Variants in IREB2 observed in about 807,000 individuals in gnomAD.
IREB2 encodes the protein iron-responsive element-binding protein 2.
Under a neutral mutation model 118.8 loss-of-function variants are expected in IREB2, and 39 were observed. The ratio of observed to expected loss-of-function variants is 0.33; its 90% CI spans 0.25 to 0.43. The LOEUF is 0.43. Ranked by LOEUF, IREB2 falls within the 20% of genes least tolerant of loss-of-function variation. IREB2 has a pLI of 1.00. For missense variants in IREB2, 900 were observed against 1,147.3 expected, an observed-to-expected ratio of 0.78 and a Z score of 3.11; for synonymous variants, 372 against 392.2, an observed-to-expected ratio of 0.95 and a Z score of 0.61.
intron 6 of IREB2, 42 bp downstream of exon 6, chr15:78,470,643 A>G (rs750870670): frequency 2.1e-6 from 2 of 954,764 alleles, no homozygotes; most frequent in Admixed American, 4.3e-5. Context: ...TAATATATAA[A>G]CTAATGATAG....
chr15:78,484,555 C>T (rs1403592996), intron 11 of IREB2, among the ~76,000 whole-genome samples: 1 of 152,198 alleles, frequency 6.6e-6, no homozygotes, highest in East Asian at 1.9e-4. Context: ...TGCTTGTGAA[C>T]ATCACCAGAC....
chr15:78,447,160 C>G (rs1020703056), intron 2 of IREB2, among the ~76,000 whole-genome samples: 1 of 150,318 alleles, frequency 6.7e-6, no homozygotes, highest in East Asian at 1.9e-4. Flanking sequence ...GCTTTCCTTT[C>G]TTTTTCTTTT....
At chr15:78,443,208 C>T (rs1438196736) in intron 2 of IREB2, among the ~76,000 whole-genome samples, 1 of 152,166 alleles carries the variant, frequency 6.6e-6, no homozygotes. Context: ...TAACAATGTA[C>T]TGTAATAAAA....
At chr15:78,462,833 G>A in intron 2 of IREB2, 89 bp from the exon 3 acceptor site, 2 of 972,386 alleles carry the variant, frequency 2.1e-6, no homozygotes, top group Admixed American at 2.7e-5. Context: ...GTGCATTTTT[G>A]TCTTTGTCTA....
intron 4 of IREB2, 44 bp from the exon 5 acceptor site, chr15:78,466,227 T>G: frequency 7.4e-7 from 1 of 1,342,554 alleles, no homozygotes; most frequent in Non-Finnish European, 1.0e-6. Flanking sequence ...TAAATTTGTG[T>G]CCCTTTTAAA....
rs2051408733 is a variant in IREB2 at position 78,473,222 on chromosome 15, A to G, written c.884-20A>G. On this transcript the variant is annotated intron_variant, in intron 7 of 21. Coordinates refer to ENST00000258886, the MANE Select transcript of IREB2 (RefSeq NM_004136.4). Reference sequence around the variant, plus strand: ...ATCTTTAAATATACTGTGCTAATATACCTGTCTTTATTACGTTAGGGGTTG... The same window carrying G: ...ATCTTTAAATATACTGTGCTAATATGCCTGTCTTTATTACGTTAGGGGTTG... The G allele has an allele frequency of 1.2e-6, 2 of 1,609,630 alleles. No individual in the cohort carries two copies. The highest frequency in any genetic ancestry group is 1.7e-6 in the Non-Finnish European group (2 of 1,176,572).
At chr15:78,476,088 C>A in intron 8 of IREB2, 100 bp from the exon 9 acceptor site, 1 of 754,110 alleles carries the variant, frequency 1.3e-6, no homozygotes, top group Non-Finnish European at 2.1e-6. Context: ...CCTTCACCAT[C>A]ACTAGTATTG....
intron 2 of IREB2, among the ~76,000 whole-genome samples, chr15:78,442,315 G>A (rs372265610): frequency 2.0e-5 from 3 of 152,180 alleles, no homozygotes; most frequent in East Asian, 3.8e-4. Flanking sequence ...GAACAAGTTA[G>A]GTAGGAAGTA....
chr15:78,493,716 G>T (rs1399635598), intron 18 of IREB2, among the ~76,000 whole-genome samples, 193 bp from the exon 19 acceptor site: 1 of 152,036 alleles, frequency 6.6e-6, no homozygotes, highest in Non-Finnish European at 1.5e-5. Context: ...AATCTAATGG[G>T]GTTGACTGTA....
Position 78,488,347 on chromosome 15 carries a change from C to T in IREB2, c.1951+11C>T, listed in dbSNP as rs576528200. The T allele has an allele frequency of 2.0e-5, 32 of 1,571,568 alleles. No individual in the cohort carries two copies. The South Asian group carries it at 3.7e-4, about 18-fold the overall frequency. On this transcript the variant is annotated intron_variant, in intron 15 of 21. Transcript: ENST00000258886. ...AGACAGAACCTTTAGGTATCTTTTC[C>T]TTTATGTATATGTATACCTACACAT...
rs563410701 is a variant in IREB2 at position 78,483,852 on chromosome 15, C to G, written c.1413+418C>G. On this transcript the variant is annotated intron_variant, in intron 11 of 21. Coordinates refer to ENST00000258886, the MANE Select transcript of IREB2 (RefSeq NM_004136.4). ...AAGCTGGAGTGCAGTGGCACAATCT[C>G]GGCTCACTGCAACCTCCCCCCTCCC... 2.9e-4 allele frequency among the ~76,000 whole-genome samples: 13 copies of G among 44,668 alleles called. No individual in the cohort carries two copies. In the South Asian group the frequency reaches 7.1e-3, roughly 24 times the overall value. The allele number at this position is 44,668 out of a possible 152,430, so 29.3% of individuals were successfully genotyped here.
chr15:78,453,056 G>A (rs1351680309), intron 2 of IREB2, among the ~76,000 whole-genome samples: 1 of 152,200 alleles, frequency 6.6e-6, no homozygotes, highest in East Asian at 1.9e-4. Flanking sequence ...TGGGTAGTAA[G>A]CATGCCTGCT....
chr15:78,470,783 C>T (rs2051363014), intron 6 of IREB2, 182 bp downstream of exon 6: 4 of 383,974 alleles, frequency 1.0e-5, no homozygotes, highest in Non-Finnish European at 1.9e-5. Context: ...CAGCCTCCAC[C>T]TCCTGGGTTC....
Position 78,439,770 on chromosome 15 carries a change from A to C in IREB2, c.20-25A>C. On this transcript the variant is annotated intron_variant, in intron 1 of 21. Coordinates refer to ENST00000258886, the MANE Select transcript of IREB2 (RefSeq NM_004136.4). ...AATAAAATATTTTGTTGCTGCATTT[A>C]ATGAAAATACAATTTTTTTTTCAGG... 2 of 1,304,790 alleles carry C rather than the reference A, an allele frequency of 1.5e-6. 1 individual carries two copies. 80.8% of individuals were successfully genotyped at this position (1,304,790 alleles called of 1,614,324 possible). A position where few individuals can be genotyped will look rare whatever the true frequency, so the allele number is the denominator to read the frequency against.
intron 18 of IREB2, 132 bp from the exon 19 acceptor site, chr15:78,493,777 A>G (rs998812403): frequency 2.6e-5 from 19 of 729,540 alleles, no homozygotes; most frequent in East Asian, 2.1e-4. Flanking sequence ...GCGCATGGAC[A>G]TTCATGGTTT....
intron 2 of IREB2, among the ~76,000 whole-genome samples, chr15:78,459,339 T>G (rs79935372): frequency 7.2e-6 from 1 of 139,414 alleles, no homozygotes; most frequent in Admixed American, 7.1e-5. Flanking sequence ...TTTGTTTGTT[T>G]GTTTTGGTTT....
At chr15:78,445,216 C>T (rs897807564) in intron 2 of IREB2, among the ~76,000 whole-genome samples, 1 of 150,400 alleles carries the variant, frequency 6.6e-6, no homozygotes, top group Non-Finnish European at 1.5e-5. Context: ...CAGTTCATTG[C>T]GTCCTCCAAC....
intron 12 of IREB2, among the ~76,000 whole-genome samples, chr15:78,485,450 A>G (rs537481813): frequency 7.9e-5 from 12 of 152,332 alleles, no homozygotes; most frequent in African/African-American, 2.9e-4. Flanking sequence ...ATGTACTTAT[A>G]TATGTGCACC....
chr15:78,438,274 T>G lies in IREB2; in HGVS notation c.-64T>G, dbSNP rs901832590. The G allele has an allele frequency of 5.3e-6, 7 of 1,316,632 alleles. No individual in the cohort carries two copies. In the African/African-American group the frequency reaches 1.0e-4, roughly 19 times the overall value. 81.6% of individuals were successfully genotyped at this position (1,316,632 alleles called of 1,614,324 possible). Reference sequence around the variant, plus strand: ...CGCCTGTCTTCCTCCCCGTCTTCCCTGCCCGGCCTCCCCCTTCTTCCCCCG... The same window carrying G: ...CGCCTGTCTTCCTCCCCGTCTTCCCGGCCCGGCCTCCCCCTTCTTCCCCCG... On this transcript the variant is annotated 5_prime_UTR_variant, in exon 1 of 22. Transcript: ENST00000258886.
Sources: gnomAD v4.1 joint callset for allele counts (sites outside exome capture counted in the v4.1 genomes callset) on GRCh38, gnomAD v4.1.1 for gene constraint, MANE v1.5 for transcripts, NCBI Gene and HGNC (gene_info 2026-07-23, HGNC 2026-07-21) for gene names.